The following TRAPPC2L variants were observed in gnomAD, a reference collection of about 807,000 sequenced individuals.
TRAPPC2L encodes the protein trafficking protein particle complex subunit 2L.
A neutral mutation model predicts 13.2 loss-of-function variants in TRAPPC2L; 17 were observed. That is an observed-to-expected ratio of 1.29 (90% confidence interval 0.88 to 1.93). The LOEUF (loss-of-function observed/expected upper bound fraction) is 1.93, where lower values mean the gene tolerates loss of function less well. TRAPPC2L is among the 30% of genes most tolerant of loss of function. The probability of loss-of-function intolerance (pLI) is 0.00; values close to 1 mark genes in which losing one functional copy is unlikely to be tolerated. For synonymous variants in TRAPPC2L, 150 were observed against 98.1 expected, an observed-to-expected ratio of 1.53 and a Z score of -3.12; for missense variants, 359 against 252.1, an observed-to-expected ratio of 1.42 and a Z score of -2.87.
At chr16:88,861,839 G>C in exon 4 of TRAPPC2L, 1 of 350,324 alleles carries the variant, frequency 2.9e-6, no homozygotes, top group South Asian at 2.1e-5. Context: ...GTAAGGGGGG[G>C]TCAGCCTAGG....
intron 1 of TRAPPC2L, 112 bp downstream of exon 1, chr16:88,857,295 G>C (rs1234115975): frequency 9.7e-7 from 1 of 1,034,810 alleles, no homozygotes; most frequent in East Asian, 3.2e-5. Flanking sequence ...ACCTGGAGGA[G>C]GCCTTCGCCG....
At chr16:88,861,021 C>T in exon 4 of TRAPPC2L, 1 of 1,523,674 alleles carries the variant, frequency 6.6e-7, no homozygotes, top group East Asian at 2.4e-5. Flanking sequence ...GGCCGTCGGT[C>T]TGTTCTGGTT....
rs760496110 is a variant in TRAPPC2L at position 88,860,911 on chromosome 16, C to T, written c.*587C>T. On this transcript the variant is annotated 3_prime_UTR_variant, in exon 4 of 4. Coordinates refer to ENST00000565504, the Ensembl canonical transcript of TRAPPC2L. ...CTCTGAGTGGGTCTGTTTCTCTTAG[C>T]AGGGCCTTTGATAACATGGTGACGT... is the stretch of plus-strand genomic sequence containing the variant. 1.9e-6 allele frequency: 3 copies of T among 1,592,352 alleles called. No homozygotes were observed. Among genetic ancestry groups the T allele is most frequent in the Non-Finnish European group, 2.6e-6 (3 of 1,171,258 alleles).
At chr16:88,856,335 G>T, upstream of TRAPPC2L, 1 of 702,576 alleles carries the variant, frequency 1.4e-6, no homozygotes, top group South Asian at 1.5e-5. Context: ...AGGGCGGCAG[G>T]AGCAGCCTCT....
chr16:88,858,972 T>C, intron 2 of TRAPPC2L, 181 bp downstream of exon 2: 1 of 650,076 alleles, frequency 1.5e-6, no homozygotes, highest in Non-Finnish European at 2.6e-6. Context: ...GAAGAGCCAT[T>C]TGGGAAAAGC....
At chr16:88,856,712 T>C (rs534472993), upstream of TRAPPC2L, 7 of 428,166 alleles carry the variant, frequency 1.6e-5, no homozygotes, top group Admixed American at 3.6e-5. Context: ...GCCCCTCCCC[T>C]CCCCGCCCCA....
intron 3 of TRAPPC2L, 26 bp from the exon 4 acceptor site, chr16:88,859,867 G>T (rs1455919604): frequency 4.5e-6 from 7 of 1,556,842 alleles, no homozygotes; most frequent in Non-Finnish European, 6.1e-6. Context: ...ATGTGGCAAG[G>T]TCATGGTTTG....
At chr16:88,856,381 T>A (rs760949088), upstream of TRAPPC2L, 5 of 701,452 alleles carry the variant, frequency 7.1e-6, no homozygotes, top group Non-Finnish European at 1.3e-5. Context: ...CGCGCCCACC[T>A]TTCCCAAGAG....
chr16:88,860,297 G>A lies in TRAPPC2L; in HGVS notation c.699G>A (p.Gly233=), dbSNP rs767357483. 525 of 698,168 alleles carry A rather than the reference G, an allele frequency of 7.5e-4. 2 individuals are homozygous for A. Among genetic ancestry groups the A allele is most frequent in the Non-Finnish European group, 1.2e-3 (471 of 382,882 alleles). The allele number at this position is 698,168 out of a possible 1,614,324, so 43.2% of individuals were successfully genotyped here. Reference sequence around the variant, plus strand: ...AAGCACATGGGCAGTGGCTTTCAGGGATCACACGTCCTTTTGTAGCTACCT... The same window carrying A: ...AAGCACATGGGCAGTGGCTTTCAGGAATCACACGTCCTTTTGTAGCTACCT... The change falls in exon 4 of 4, where the codon GGG becomes GGA. Residue 233 remains glycine, a synonymous_variant. Transcript: ENST00000565504.
At chr16:88,862,142 C>T (rs1224224372) in exon 4 of TRAPPC2L, 2 of 154,998 alleles carry the variant, frequency 1.3e-5, no homozygotes, top group African/African-American at 2.4e-5. Flanking sequence ...CCAAGCACTT[C>T]CCCATTGCAG....
rs563779053 is a variant in TRAPPC2L at position 88,859,038 on chromosome 16, G to A, written c.206+247G>A. On this transcript the variant is annotated intron_variant, in intron 2 of 3. Transcript: ENST00000565504. ...TTTGCACGTGTCCGTTGTCTGGTTTGCAGAGGAAGTGGGACACTTCTGCTT... is the reference window on the plus strand; with the variant it reads ...TTTGCACGTGTCCGTTGTCTGGTTTACAGAGGAAGTGGGACACTTCTGCTT... The A allele has an allele frequency of 8.7e-5, 47 of 540,300 alleles. No individual in the cohort carries two copies. The South Asian group carries it at 9.6e-4, about 11-fold the overall frequency. The allele number at this position is 540,300 out of a possible 1,614,324, so 33.5% of individuals were successfully genotyped here.
upstream of TRAPPC2L, chr16:88,856,597 CCCTCCT>C (rs960651907): frequency 1.8e-6 from 1 of 553,002 alleles, no homozygotes; most frequent in Admixed American, 2.3e-5. Context: ...CGTCCCCTCC[CCCTCCT>C]CCTCCCCGCG....
exon 4 of TRAPPC2L, chr16:88,861,764 G>T: frequency 2.3e-6 from 1 of 443,212 alleles, no homozygotes; most frequent in East Asian, 7.1e-5. Context: ...TCCAGCACTG[G>T]TCCAGGACTG....
At chr16:88,856,774 A>C, upstream of TRAPPC2L, 1 of 1,539,442 alleles carries the variant, frequency 6.5e-7, no homozygotes, top group Non-Finnish European at 8.7e-7. Context: ...CATGAGCAGG[A>C]GCAGGATGTT....
upstream of TRAPPC2L, chr16:88,856,685 C>T: frequency 1.8e-6 from 1 of 570,290 alleles, no homozygotes; most frequent in South Asian, 1.9e-5. Flanking sequence ...TCCCCCACCT[C>T]GCTCCTCCCT....
chr16:88,862,666 C>T (rs1348002422), exon 4 of TRAPPC2L: 1 of 137,456 alleles, frequency 7.3e-6, no homozygotes, highest in Non-Finnish European at 1.6e-5. Flanking sequence ...AAATGCACCC[C>T]TCTCTGGTTT....
chr16:88,861,633 A>T, exon 4 of TRAPPC2L: 1 of 497,258 alleles, frequency 2.0e-6, no homozygotes, highest in Non-Finnish European at 4.1e-6. Flanking sequence ...GTGTCACTTG[A>T]TGACGTGGCT....
chr16:88,856,954 C>CG (rs1967957065), upstream of TRAPPC2L: 1 of 1,436,254 alleles, frequency 7.0e-7, no homozygotes, highest in East Asian at 2.9e-5. Context: ...GGCTGGGCTG[C>CG]GGGGCGGGGC....
upstream of TRAPPC2L, chr16:88,856,589 T>A (rs1442112057): frequency 9.4e-6 from 2 of 212,816 alleles, no homozygotes; most frequent in African/African-American, 1.8e-4. Flanking sequence ...ATACCCCCCG[T>A]CCCCTCCCCC....
Sources: gnomAD v4.1 joint callset for allele counts on GRCh38, gnomAD v4.1.1 for gene constraint, MANE v1.5 for transcripts, NCBI Gene and HGNC (gene_info 2026-07-23, HGNC 2026-07-21) for gene names.